The following CCDC148 variants were observed in gnomAD, a reference collection of about 807,000 sequenced individuals.
CCDC148 encodes the protein coiled-coil domain containing 148, also known as coiled-coil domain-containing protein 148.
Under a neutral mutation model 85.7 loss-of-function variants are expected in CCDC148, and 89 were observed. The observed-to-expected ratio is 1.04, with a 90% confidence interval of 0.87 to 1.24. The LOEUF (loss-of-function observed/expected upper bound fraction) is 1.24. Among genes scored for constraint, CCDC148 ranks in the 50% most tolerant of loss-of-function variants. The probability of loss-of-function intolerance (pLI) is 0.00; values close to 1 mark genes in which losing one functional copy is unlikely to be tolerated. For missense variants in CCDC148, 692 were observed against 671.7 expected (o/e 1.03, Z -0.33); for synonymous variants, 230 against 213.9 (o/e 1.08, Z -0.66).
At chr2:158,283,325 C>A (rs908062320) in intron 9 of CCDC148, among the ~76,000 whole-genome samples, 2 of 152,114 alleles carry the variant, frequency 1.3e-5, no homozygotes, top group African/African-American at 4.8e-5. Flanking sequence ...AAGAAACTAC[C>A]ATCAGAGTGA....
intron 1 of CCDC148, among the ~76,000 whole-genome samples, chr2:158,430,874 AAACAT>A (rs1687314894): frequency 6.6e-6 from 1 of 151,400 alleles, no homozygotes; most frequent in African/African-American, 2.4e-5. Flanking sequence ...AAGAAAACAT[AAACAT>A]AATAAAAAAT....
intron 1 of CCDC148, among the ~76,000 whole-genome samples, chr2:158,387,290 AT>A (rs1685127122): frequency 4.9e-4 from 2 of 4,108 alleles, no homozygotes; most frequent in East Asian, 0.04. Context: ...TTATATCATT[AT>A]CTATATCTAT....
At chr2:158,253,697 T>A (rs1417670552) in intron 9 of CCDC148, among the ~76,000 whole-genome samples, 1 of 151,564 alleles carries the variant, frequency 6.6e-6, no homozygotes, top group Non-Finnish European at 1.5e-5. Flanking sequence ...TAAGAAAAAA[T>A]GATAGTATTA....
chr2:158,381,964 T>C (rs1362290121), intron 1 of CCDC148, among the ~76,000 whole-genome samples: 2 of 152,146 alleles, frequency 1.3e-5, no homozygotes, highest in African/African-American at 4.8e-5. Context: ...CCAACGTGTC[T>C]GTATTAAGAG....
rs115233351 is a variant in CCDC148, at chr2:158,431,764, C to G, written c.25+24651G>C. On this transcript the variant is annotated intron_variant, in intron 1 of 13. Coordinates refer to ENST00000283233, the MANE Select transcript of CCDC148 (RefSeq NM_138803.4). ...AACCAGCCTGGCCAACATGGTGAAA[C>G]ACTTCCTACTAAAAATACAAAAAAT... Among the ~76,000 whole-genome samples the G allele has an allele frequency of 2.6e-3, 398 of 152,136 alleles. 3 individuals carry two copies. Among genetic ancestry groups the G allele is most frequent in the African/African-American group, 9.3e-3 (385 of 41,494 alleles).
intron 9 of CCDC148, among the ~76,000 whole-genome samples, chr2:158,255,062 C>A (rs1191428629): frequency 6.8e-6 from 1 of 147,932 alleles, no homozygotes; most frequent in Non-Finnish European, 1.5e-5. Context: ...GAAACAGCTG[C>A]AAATTCAACA....
intron 1 of CCDC148, chr2:158,425,267 A>AG: frequency 1.9e-6 from 1 of 537,480 alleles, no homozygotes; most frequent in South Asian, 1.4e-5. Context: ...AGGCATCTCC[A>AG]GGGGGTCGCA....
At chr2:158,417,389 C>A (rs891584409) in intron 1 of CCDC148, among the ~76,000 whole-genome samples, 2 of 152,228 alleles carry the variant, frequency 1.3e-5, no homozygotes, top group African/African-American at 4.8e-5. Context: ...ACAGCCCCAG[C>A]TACTACCCCT....
chr2:158,258,643 T>C (rs138691031), intron 9 of CCDC148, among the ~76,000 whole-genome samples: 43 of 151,844 alleles, frequency 2.8e-4, no homozygotes, highest in African/African-American at 9.9e-4. Flanking sequence ...TGTATCCAAG[T>C]TCTGTTGCCT....
At chr2:158,301,473 T>A (rs10202900) in intron 9 of CCDC148, among the ~76,000 whole-genome samples, 6,835 of 152,274 alleles carry the variant, frequency 0.045, 262 homozygotes, top group African/African-American at 0.1. Context: ...GCTGGATACA[T>A]GAAGCTGAAG....
intron 2 of CCDC148, among the ~76,000 whole-genome samples, chr2:158,345,665 T>C (rs74938243): frequency 0.071 from 10,829 of 152,260 alleles, 534 homozygotes; most frequent in South Asian, 0.11. Flanking sequence ...TTTGGATTTA[T>C]CTTCCCTGTC....
chr2:158,256,564 A>C (rs762584843), intron 9 of CCDC148, among the ~76,000 whole-genome samples: 1 of 151,788 alleles, frequency 6.6e-6, no homozygotes, highest in Non-Finnish European at 1.5e-5. Flanking sequence ...TTTTATATGG[A>C]AAATCAAAAG....
intron 1 of CCDC148, among the ~76,000 whole-genome samples, chr2:158,413,739 A>C (rs1686370284): frequency 1.3e-5 from 2 of 152,092 alleles, no homozygotes; most frequent in African/African-American, 2.4e-5. Flanking sequence ...GTAGCATGAG[A>C]GTTGTATAGC....
intron 9 of CCDC148, among the ~76,000 whole-genome samples, chr2:158,289,881 A>G (rs1690806523): frequency 1.3e-5 from 2 of 152,252 alleles, no homozygotes; most frequent in Admixed American, 1.3e-4. Context: ...ATATTGGGGG[A>G]AAGATGCCAC....
At chr2:158,255,372 G>A (rs965505536) in intron 9 of CCDC148, among the ~76,000 whole-genome samples, 1 of 151,580 alleles carries the variant, frequency 6.6e-6, no homozygotes, top group South Asian at 2.1e-4. Flanking sequence ...ATGAGAAACA[G>A]GCTCAGCAGC....
At chr2:158,277,549 G>A (rs1473179446) in intron 9 of CCDC148, among the ~76,000 whole-genome samples, 2 of 152,148 alleles carry the variant, frequency 1.3e-5, no homozygotes, top group Non-Finnish European at 2.9e-5. Context: ...GTCATTTACA[G>A]GCATGGCCCC....
chr2:158,398,395 A>C (rs952269396), intron 1 of CCDC148, among the ~76,000 whole-genome samples: 11 of 152,146 alleles, frequency 7.2e-5, no homozygotes, highest in African/African-American at 2.7e-4. Flanking sequence ...CTCCTCAGCA[A>C]ATGTAAAATA....
intron 1 of CCDC148, among the ~76,000 whole-genome samples, chr2:158,394,566 C>T (rs1685446727): frequency 6.6e-6 from 1 of 151,748 alleles, no homozygotes; most frequent in Admixed American, 6.6e-5. Flanking sequence ...ATTCTGAGTA[C>T]TGAATCACCC....
intron 9 of CCDC148, among the ~76,000 whole-genome samples, chr2:158,302,453 C>A (rs1691488431): frequency 6.6e-6 from 1 of 152,024 alleles, no homozygotes; most frequent in African/African-American, 2.4e-5. Flanking sequence ...CCTTTGGCCA[C>A]CAGGCAGCAC....
Sources: gnomAD v4.1 joint callset for allele counts (sites outside exome capture counted in the v4.1 genomes callset) on GRCh38, gnomAD v4.1.1 for gene constraint, MANE v1.5 for transcripts, NCBI Gene and HGNC (gene_info 2026-07-23, HGNC 2026-07-21) for gene names.